FGF1: variants seen among roughly 807,000 people sequenced by gnomAD.
FGF1 encodes beta-endothelial cell growth factor.
FGF1 carries 9 observed loss-of-function variants against 13.4 expected under a neutral mutation model. The ratio of observed to expected loss-of-function variants is 0.67; its 90% CI spans 0.40 to 1.17. FGF1 has a LOEUF of 1.17. FGF1 is among the 50% of genes most tolerant of loss of function. The pLI, the probability that FGF1 is intolerant of heterozygous loss-of-function variation, is 0.01. For synonymous variants in FGF1, 93 were observed against 79.0 expected (o/e 1.18, Z -0.94); for missense variants, 156 against 192.7 (o/e 0.81, Z 1.13).
intron 1 of FGF1, among the ~76,000 whole-genome samples, chr5:142,669,030 A>G (rs114546190): frequency 1.2e-3 from 189 of 152,378 alleles, no homozygotes; most frequent in African/African-American, 4.3e-3. Flanking sequence ...GGGGTGGGCA[A>G]GTAGAGGGCA....
At chr5:142,695,183 T>C (rs1752904495) in intron 2 of FGF1, among the ~76,000 whole-genome samples, 1 of 152,230 alleles carries the variant, frequency 6.6e-6, no homozygotes, top group Non-Finnish European at 1.5e-5. Context: ...ACTTGCCTCG[T>C]AGGGTCATTG....
intron 1 of FGF1, among the ~76,000 whole-genome samples, chr5:142,668,887 G>A (rs1032326932): frequency 1.5e-4 from 23 of 151,914 alleles, no homozygotes; most frequent in African/African-American, 5.6e-4. Flanking sequence ...GCCAAGGGCT[G>A]GGGGGATGGA....
chr5:142,676,428 A>G lies in FGF1; in HGVS notation c.-35+9529T>C, dbSNP rs191867631. ...ATGTAGTATAGACTTTAGATATATTAACTCACATCTTCCTGTCAACAACCC... is the reference window on the plus strand; with the variant it reads ...ATGTAGTATAGACTTTAGATATATTGACTCACATCTTCCTGTCAACAACCC... On this transcript the variant is annotated intron_variant, in intron 1 of 3. Transcript: ENST00000337706. 7.9e-5 allele frequency among the ~76,000 whole-genome samples: 12 copies of G among 152,358 alleles called. No individual in the cohort carries two copies. In the East Asian group the frequency reaches 2.3e-3, roughly 29 times the overall value.
chr5:142,668,502 T>C (rs1184066960), intron 1 of FGF1, among the ~76,000 whole-genome samples: 2 of 152,196 alleles, frequency 1.3e-5, no homozygotes, highest in African/African-American at 4.8e-5. Flanking sequence ...TAAGGACTTA[T>C]ATACAAGGAA....
intron 3 of FGF1, among the ~76,000 whole-genome samples, chr5:142,595,795 A>G (rs1755126946): frequency 6.6e-6 from 1 of 152,254 alleles, no homozygotes; most frequent in African/African-American, 2.4e-5. Context: ...TCAGGACTCT[A>G]GAATCTCCCA....
Position 142,685,948 on chromosome 5 carries a change from G to A in FGF1, c.-35+9C>T, listed in dbSNP as rs1226954771. On this transcript the variant is annotated intron_variant, in intron 1 of 3. Coordinates refer to ENST00000337706, the MANE Select transcript of FGF1 (RefSeq NM_000800.5). ...CTCTGTTTCCCAGATCAGATGCCCT[G>A]ATTCTTACCTAAAGAGCTTGTAGGC... 6.6e-6 allele frequency: 1 copy of A among 151,890 alleles called. No individual in the cohort carries two copies. The highest frequency in any genetic ancestry group is 1.5e-5 in the Non-Finnish European group (1 of 68,112). The allele number at this position is 151,890 out of a possible 1,614,324, so 9.4% of individuals were successfully genotyped here.
intron 1 of FGF1, among the ~76,000 whole-genome samples, chr5:142,669,693 C>G (rs530027906): frequency 1.3e-5 from 2 of 152,254 alleles, no homozygotes; most frequent in East Asian, 3.9e-4. Context: ...CAGAGTCATC[C>G]ATCTGCTGAC....
chr5:142,680,543 C>T (rs1388564804), intron 1 of FGF1, among the ~76,000 whole-genome samples: 1 of 149,918 alleles, frequency 6.7e-6, no homozygotes, highest in East Asian at 1.9e-4. Flanking sequence ...GAGGTTTTTC[C>T]CTTGCTCATA....
chr5:142,635,487 T>C (rs1764100221), intron 1 of FGF1, among the ~76,000 whole-genome samples: 1 of 152,056 alleles, frequency 6.6e-6, no homozygotes, highest in Non-Finnish European at 1.5e-5. Context: ...GAAGGTGAAA[T>C]CAACAATCTT....
intron 1 of FGF1, among the ~76,000 whole-genome samples, chr5:142,622,737 G>A (rs1006908235): frequency 3.3e-5 from 5 of 152,224 alleles, no homozygotes; most frequent in South Asian, 2.1e-4. Context: ...AAAGTTTGCC[G>A]AAGAAAGGGA....
intron 2 of FGF1, among the ~76,000 whole-genome samples, chr5:142,691,191 C>T (rs1170222607): frequency 1.3e-5 from 2 of 152,158 alleles, no homozygotes; most frequent in Admixed American, 6.5e-5. Context: ...GAGGCCGACG[C>T]GGGTGGATCA....
At chr5:142,683,693 C>CTTGGGT (rs1774143902) in intron 1 of FGF1, among the ~76,000 whole-genome samples, 1 of 151,836 alleles carries the variant, frequency 6.6e-6, no homozygotes, top group East Asian at 1.9e-4. Flanking sequence ...TGGTGCCGCA[C>CTTGGGT]ACCTGTAATC....
rs1194149503 is a variant in FGF1 at position 142,593,857 on chromosome 5, G to A, written c.*1433C>T. On this transcript the variant is annotated 3_prime_UTR_variant, in exon 4 of 4. Transcript: ENST00000337706. ...GGCATCAGTATCATATGTTAGAGATGAATGGTGTTTCTAATTTGCTAGCCA... is the reference window on the plus strand; with the variant it reads ...GGCATCAGTATCATATGTTAGAGATAAATGGTGTTTCTAATTTGCTAGCCA... 1.3e-5 allele frequency: 2 copies of A among 152,636 alleles called. No individual in the cohort carries two copies. Among genetic ancestry groups the A allele is most frequent in the African/African-American group, 4.8e-5 (2 of 41,450 alleles). 9.5% of individuals were successfully genotyped at this position (152,636 alleles called of 1,614,324 possible).
chr5:142,673,207 G>A (rs1245527126), intron 1 of FGF1, among the ~76,000 whole-genome samples: 2 of 152,168 alleles, frequency 1.3e-5, no homozygotes, highest in African/African-American at 2.4e-5. Flanking sequence ...TTGCAGGTGA[G>A]TGGCATCACT....
chr5:142,668,578 G>A (rs910384829), intron 1 of FGF1, among the ~76,000 whole-genome samples: 1 of 152,194 alleles, frequency 6.6e-6, no homozygotes, highest in African/African-American at 2.4e-5. Flanking sequence ...TTGAAGTGAA[G>A]CTTCCTGAAC....
intron 3 of FGF1, among the ~76,000 whole-genome samples, chr5:142,598,400 C>T (rs888929018): frequency 6.6e-6 from 1 of 152,142 alleles, no homozygotes; most frequent in Non-Finnish European, 1.5e-5. Context: ...AGACATGTGG[C>T]TTAACTATTG....
At chr5:142,626,947 T>G (rs944712563) in intron 1 of FGF1, 1 of 152,230 alleles carries the variant, frequency 6.6e-6, no homozygotes, top group Admixed American at 6.5e-5. Context: ...TCATGTAACC[T>G]TTCTGGTCCC....
chr5:142,657,602 C>T (rs1006033854), intron 1 of FGF1, among the ~76,000 whole-genome samples: 1 of 152,258 alleles, frequency 6.6e-6, no homozygotes, highest in Non-Finnish European at 1.5e-5. Context: ...GAGATTCCTG[C>T]TATCTGGGTT....
At chr5:142,673,247 A>G (rs1055438181) in intron 1 of FGF1, among the ~76,000 whole-genome samples, 4 of 152,022 alleles carry the variant, frequency 2.6e-5, no homozygotes, top group African/African-American at 9.7e-5. Flanking sequence ...CAGAGTTGAG[A>G]ATTTGGGCCT....
Sources: allele counts gnomAD v4.1 joint callset (sites outside exome capture counted in the v4.1 genomes callset), GRCh38; gene constraint gnomAD v4.1.1; transcripts MANE v1.5; gene names NCBI Gene and HGNC (gene_info 2026-07-23, HGNC 2026-07-21).